LNPK: variants seen among roughly 807,000 people sequenced by gnomAD.
LNPK encodes the protein endoplasmic reticulum junction formation protein lunapark.
A neutral mutation model predicts 55.2 loss-of-function variants in LNPK; 29 were observed. That is an observed-to-expected ratio of 0.53 (90% CI 0.39 to 0.72). The LOEUF is 0.72. Ranked by LOEUF, LNPK falls within the 30% of genes least tolerant of loss-of-function variation. LNPK has a pLI of 0.00. For missense variants in LNPK, 467 were observed against 494.8 expected, an observed-to-expected ratio of 0.94 and a Z score of 0.53; for synonymous variants, 162 against 168.2, an observed-to-expected ratio of 0.96 and a Z score of 0.29.
chr2:175,994,055 G>T, intron 2 of LNPK: 2 of 365,652 alleles, frequency 5.5e-6, no homozygotes, highest in Non-Finnish European at 7.6e-6. Context: ...AGCAAAGCTT[G>T]TTTGCCAATG....
chr2:175,945,686 C>T (rs759644365), intron 9 of LNPK, among the ~76,000 whole-genome samples: 1 of 152,152 alleles, frequency 6.6e-6, no homozygotes, highest in African/African-American at 2.4e-5. Context: ...TTTAAGCCAA[C>T]TTAACTTGCA....
Position 175,992,251 on chromosome 2 carries a change from T to A in LNPK, c.237A>T (p.Pro79=), listed in dbSNP as rs776671346. 1 of 1,554,252 alleles carries A rather than the reference T, an allele frequency of 6.4e-7. No homozygotes were observed. Among genetic ancestry groups the A allele is most frequent in the Admixed American group, 2.3e-5 (1 of 44,070 alleles). ...EFTARLAMTL[P]FFAFPLIIWS... Reference sequence around the variant, plus strand: ...CTTACATCAATGGAAAAGCAAAAAATGGGAGTGTCATGGCAAGTCTTGCTG... The same window carrying A: ...CTTACATCAATGGAAAAGCAAAAAAAGGGAGTGTCATGGCAAGTCTTGCTG... The change falls in exon 4 of 13, where the codon CCA becomes CCT. Residue 79 remains proline, a synonymous_variant. Transcript: ENST00000272748.
chr2:175,962,797 T>G (rs1166319278), intron 8 of LNPK, among the ~76,000 whole-genome samples: 2 of 152,032 alleles, frequency 1.3e-5, no homozygotes, highest in Admixed American at 1.3e-4. Flanking sequence ...ATTTTTGCAA[T>G]CTACCCATCT....
chr2:175,974,206 A>AT (rs1193142019), intron 5 of LNPK, among the ~76,000 whole-genome samples: 1 of 152,194 alleles, frequency 6.6e-6, no homozygotes, highest in Non-Finnish European at 1.5e-5. Flanking sequence ...TTGCATTTTG[A>AT]TAATAAAATA....
At chr2:175,931,178 C>T (rs550392435) in intron 12 of LNPK, among the ~76,000 whole-genome samples, 1 of 152,160 alleles carries the variant, frequency 6.6e-6, no homozygotes, top group African/African-American at 2.4e-5. Context: ...TATGGCCAAA[C>T]CATATCAGTT....
chr2:175,941,282 T>C (rs1434142470), intron 9 of LNPK, among the ~76,000 whole-genome samples: 4 of 147,504 alleles, frequency 2.7e-5, no homozygotes, highest in African/African-American at 9.8e-5. Context: ...TTTATATTTA[T>C]ATTTATATTT....
rs1217053415 is a variant in LNPK at position 175,924,113 on chromosome 2, C to T, written c.*5854G>A. 2.0e-5 allele frequency: 3 copies of T among 152,178 alleles called. No homozygotes were observed. The highest frequency in any genetic ancestry group is 4.4e-5 in the Non-Finnish European group (3 of 68,012). 9.4% of individuals were successfully genotyped at this position (152,178 alleles called of 1,614,324 possible). The stretch of plus-strand genomic sequence containing the variant: ...ATCTCTACCTTGGTTCATCTTTACA[C>T]AAGTACTTGAATTCCCTTTAATGTC... On this transcript the variant is annotated 3_prime_UTR_variant, in exon 13 of 13. Coordinates refer to ENST00000272748, the MANE Select transcript of LNPK (RefSeq NM_030650.3).
At chr2:176,001,869 A>T (rs1156797990) in intron 1 of LNPK, among the ~76,000 whole-genome samples, 1 of 152,164 alleles carries the variant, frequency 6.6e-6, no homozygotes, top group Non-Finnish European at 1.5e-5. Context: ...ATCTCCTAGA[A>T]CCGAGCTGGA....
intron 9 of LNPK, among the ~76,000 whole-genome samples, chr2:175,946,992 T>C (rs1037981744): frequency 4.0e-5 from 6 of 151,600 alleles, no homozygotes; most frequent in Non-Finnish European, 8.8e-5. Context: ...TATCAGAAAA[T>C]ACTAAGGTTC....
rs1315884593 is a variant in LNPK, at chr2:175,963,113, T to C, written c.493+1259A>G. Among the ~76,000 whole-genome samples, 41 of 147,660 alleles carry C rather than the reference T, an allele frequency of 2.8e-4. 1 individual carries two copies. Among genetic ancestry groups the C allele is most frequent in the Admixed American group, 4.7e-4 (7 of 14,820 alleles). On this transcript the variant is annotated intron_variant, in intron 8 of 12. Coordinates refer to ENST00000272748, the MANE Select transcript of LNPK (RefSeq NM_030650.3). ...CACTTTTACACTGTTGGTGGGACTG[T>C]AAACTAGTTCAACCCTTGTGGAAGT...
At chr2:176,000,519 A>C (rs1688121041) in intron 1 of LNPK, among the ~76,000 whole-genome samples, 1 of 152,240 alleles carries the variant, frequency 6.6e-6, no homozygotes, top group Non-Finnish European at 1.5e-5. Context: ...CTAAAATTGG[A>C]AAATTATATT....
intron 5 of LNPK, among the ~76,000 whole-genome samples, chr2:175,978,155 G>GA (rs1686997988): frequency 6.6e-6 from 1 of 151,442 alleles, no homozygotes; most frequent in South Asian, 2.1e-4. Flanking sequence ...AAAATATTCA[G>GA]AAAAAATTAA....
chr2:175,995,803 C>CTTT (rs1559078193), intron 1 of LNPK, among the ~76,000 whole-genome samples, 157 bp from the exon 2 acceptor site: 1 of 67,220 alleles, frequency 1.5e-5, no homozygotes, highest in Non-Finnish European at 3.3e-5. Context: ...ATAGAGTCTA[C>CTTT]CTTTTTTTTT....
chr2:175,959,422 A>G (rs1367039769), intron 8 of LNPK, among the ~76,000 whole-genome samples: 1 of 152,122 alleles, frequency 6.6e-6, no homozygotes, highest in Non-Finnish European at 1.5e-5. Flanking sequence ...AACATTCTTA[A>G]AAGAATTTTC....
At chr2:175,931,646 A>G (rs1274852661) in intron 12 of LNPK, among the ~76,000 whole-genome samples, 2 of 152,186 alleles carry the variant, frequency 1.3e-5, no homozygotes, top group Non-Finnish European at 2.9e-5. Context: ...AATTTGTGCC[A>G]AATCTCATTT....
At chr2:175,962,823 T>C (rs2105621443) in intron 8 of LNPK, among the ~76,000 whole-genome samples, 1 of 151,726 alleles carries the variant, frequency 6.6e-6, no homozygotes, top group Non-Finnish European at 1.5e-5. Flanking sequence ...AGGGCTAATA[T>C]CCAGAATCTA....
intron 9 of LNPK, among the ~76,000 whole-genome samples, chr2:175,942,720 AAAG>A (rs1362186251): frequency 2.6e-5 from 4 of 151,860 alleles, no homozygotes; most frequent in East Asian, 1.9e-4. Flanking sequence ...CTATATTACA[AAAG>A]AAGATAGGAC....
chr2:175,998,669 G>C (rs904292453), intron 1 of LNPK, among the ~76,000 whole-genome samples: 4 of 152,120 alleles, frequency 2.6e-5, no homozygotes, highest in Non-Finnish European at 5.9e-5. Flanking sequence ...GAAATGAAAA[G>C]TGAGTAATAA....
chr2:175,997,665 TAGTA>T (rs1360883721), intron 1 of LNPK, among the ~76,000 whole-genome samples: 1 of 151,770 alleles, frequency 6.6e-6, no homozygotes, highest in African/African-American at 2.4e-5. Context: ...GTTAAACACT[TAGTA>T]AGTACTTCAT....
Sources: gnomAD v4.1 joint callset for allele counts (sites outside exome capture counted in the v4.1 genomes callset) on GRCh38, gnomAD v4.1.1 for gene constraint, MANE v1.5 for transcripts, NCBI Gene and HGNC (gene_info 2026-07-23, HGNC 2026-07-21) for gene names.